TBC1D5: variants seen among roughly 807,000 people sequenced by gnomAD.
TBC1D5 encodes the protein TBC1 domain family member 5, also known as TBC1 domain family, member 5.
Under a neutral mutation model 100.3 loss-of-function variants are expected in TBC1D5, and 75 were observed. The observed-to-expected ratio is 0.75, with a 90% CI of 0.62 to 0.91. The LOEUF is 0.91. TBC1D5 is among the 40% of genes least tolerant of loss of function. TBC1D5 has a pLI of 0.00. For synonymous variants in TBC1D5, 323 were observed against 325.6 expected, an observed-to-expected ratio of 0.99 and a Z score of 0.09; for missense variants, 910 against 942.4, an observed-to-expected ratio of 0.97 and a Z score of 0.45.
Position 17,680,459 on chromosome 3 carries a change from G to A in TBC1D5, c.-100-56546C>T, listed in dbSNP as rs141121588. The stretch of plus-strand genomic sequence containing the variant: ...TCAGGTTGATCTCAAACTCCTGGGC[G>A]CAAGTGATCCTCCTGCCTCAGCCTC... On this transcript the variant is annotated intron_variant, in intron 1 of 21. Coordinates refer to ENST00000253692, the Ensembl canonical transcript of TBC1D5. 4.7e-3 allele frequency among the ~76,000 whole-genome samples: 715 copies of A among 150,940 alleles called. 31 individuals are homozygous for A. Among genetic ancestry groups the A allele is most frequent in the African/African-American group, 0.016 (658 of 40,530 alleles).
intron 21 of TBC1D5, among the ~76,000 whole-genome samples, chr3:17,161,741 C>G (rs2066078387): frequency 6.6e-6 from 1 of 152,260 alleles, no homozygotes; most frequent in South Asian, 2.1e-4. Flanking sequence ...CAGCTGCTGG[C>G]TCCCTAATGT....
At chr3:17,697,706 A>T (rs1221010559) in intron 1 of TBC1D5, among the ~76,000 whole-genome samples, 1 of 152,212 alleles carries the variant, frequency 6.6e-6, no homozygotes, top group Non-Finnish European at 1.5e-5. Flanking sequence ...ATTCAATGCC[A>T]TCCCCATCAA....
Position 17,565,204 on chromosome 3 carries a change from A to G in TBC1D5, c.-35-56599T>C, listed in dbSNP as rs568633348. Reference sequence around the variant, plus strand: ...ATATCACTAGGAGGTCAATCCTACAATCATCTTTTCCCAAATGGTCACTAC... The same window carrying G: ...ATATCACTAGGAGGTCAATCCTACAGTCATCTTTTCCCAAATGGTCACTAC... On this transcript the variant is annotated intron_variant, in intron 2 of 21. Transcript: ENST00000253692. Among the ~76,000 whole-genome samples the G allele has an allele frequency of 3.9e-5, 6 of 152,258 alleles. No individual in the cohort carries two copies. The South Asian group carries it at 1.2e-3, about 32-fold the overall frequency.
intron 3 of TBC1D5, among the ~76,000 whole-genome samples, chr3:17,445,992 A>G (rs1180198873): frequency 1.3e-5 from 2 of 152,202 alleles, no homozygotes; most frequent in Non-Finnish European, 2.9e-5. Context: ...TTAGGTTAAG[A>G]GTAATGCACT....
chr3:17,412,809 G>C (rs1043622378), intron 4 of TBC1D5, among the ~76,000 whole-genome samples: 1 of 152,046 alleles, frequency 6.6e-6, no homozygotes, highest in Non-Finnish European at 1.5e-5. Flanking sequence ...TGAGAAATAG[G>C]AAAGACATCT....
In TBC1D5 at chr3:17,589,085, G is replaced by T. The variant is rs192001533; in HGVS notation, c.-36+34764C>A. Among the ~76,000 whole-genome samples the T allele has an allele frequency of 1.0e-3, 154 of 152,290 alleles. 2 individuals carry two copies. The South Asian group carries it at 0.018, about 18-fold the overall frequency. On this transcript the variant is annotated intron_variant, in intron 2 of 21. Transcript: ENST00000253692. ...CAAATACTGTGCAGATTCAACAAAAGGGGAAAGTTTTTATTGTGAAGTTCA... is the reference window on the plus strand; with the variant it reads ...CAAATACTGTGCAGATTCAACAAAATGGGAAAGTTTTTATTGTGAAGTTCA...
intron 3 of TBC1D5, 120 bp downstream of exon 3, chr3:17,508,354 C>A: frequency 1.4e-6 from 1 of 723,514 alleles, no homozygotes; most frequent in Admixed American, 2.0e-5. Flanking sequence ...ATACTTAACA[C>A]TGGCCTGCTC....
chr3:17,611,751 A>G (rs1334639161), intron 2 of TBC1D5, among the ~76,000 whole-genome samples: 2 of 152,216 alleles, frequency 1.3e-5, no homozygotes, highest in Non-Finnish European at 1.5e-5. Flanking sequence ...CAAAGTAGAG[A>G]TAAGTCCTTC....
At chr3:17,247,988 A>ATT (rs201892029) in intron 16 of TBC1D5, among the ~76,000 whole-genome samples, 37 of 141,218 alleles carry the variant, frequency 2.6e-4, no homozygotes, top group African/African-American at 4.4e-4. Flanking sequence ...TCCTCCACTA[A>ATT]TTTTTTTTTT....
chr3:17,161,000 T>A, exon 22 of TBC1D5: 2 of 1,613,906 alleles, frequency 1.2e-6, no homozygotes, highest in African/African-American at 2.7e-5. Flanking sequence ...GAAGCCAGAG[T>A]CCTTGCTGCT....
chr3:17,512,825 C>T (rs1403835619), intron 2 of TBC1D5, among the ~76,000 whole-genome samples: 1 of 152,002 alleles, frequency 6.6e-6, no homozygotes, highest in East Asian at 1.9e-4. Context: ...TGCTAAAATT[C>T]CCATTTAAAA....
intron 2 of TBC1D5, among the ~76,000 whole-genome samples, chr3:17,557,065 C>T (rs1455088911): frequency 6.6e-6 from 1 of 152,172 alleles, no homozygotes; most frequent in African/African-American, 2.4e-5. Flanking sequence ...ATAAAAACAA[C>T]TGCTTAACAT....
chr3:17,609,185 C>T (rs561629595), intron 2 of TBC1D5, among the ~76,000 whole-genome samples: 1 of 152,290 alleles, frequency 6.6e-6, no homozygotes, highest in South Asian at 2.1e-4. Context: ...TTAGTTATTT[C>T]ACATTTTATG....
At chr3:17,374,715 T>C in intron 10 of TBC1D5, 36 bp from the exon 11 acceptor site, 1 of 1,598,906 alleles carries the variant, frequency 6.3e-7, no homozygotes. Flanking sequence ...AAATGTGTAA[T>C]TTTTGAATAA....
intron 14 of TBC1D5, among the ~76,000 whole-genome samples, chr3:17,295,788 C>T (rs867473102): frequency 2.0e-5 from 3 of 152,096 alleles, no homozygotes; most frequent in South Asian, 2.1e-4. Context: ...ATTTCTTGCC[C>T]GACTCCCCAA....
At chr3:17,719,391 A>G (rs9681232) in intron 1 of TBC1D5, among the ~76,000 whole-genome samples, 86,904 of 152,056 alleles carry the variant, frequency 0.57, 25,653 homozygotes, top group East Asian at 0.99. Context: ...AAGCAATCAT[A>G]ACTAGAAAAG....
chr3:17,349,549 C>T (rs1323828121), intron 13 of TBC1D5, among the ~76,000 whole-genome samples: 12 of 152,194 alleles, frequency 7.9e-5, no homozygotes, highest in East Asian at 1.9e-4. Flanking sequence ...GTACGAAATA[C>T]AAGTACAAGA....
At chr3:17,301,609 AACACC>A (rs1434470668) in intron 14 of TBC1D5, among the ~76,000 whole-genome samples, 4 of 152,246 alleles carry the variant, frequency 2.6e-5, no homozygotes, top group Admixed American at 6.5e-5. Context: ...AGATAGGACC[AACACC>A]CACAATAACT....
chr3:17,648,221 G>C (rs1167101116), intron 1 of TBC1D5, among the ~76,000 whole-genome samples: 1 of 151,876 alleles, frequency 6.6e-6, no homozygotes, highest in Admixed American at 6.6e-5. Flanking sequence ...ATAAAAACAA[G>C]CAATGGGTAA....
Sources: gnomAD v4.1 joint callset for allele counts (sites outside exome capture counted in the v4.1 genomes callset) on GRCh38, gnomAD v4.1.1 for gene constraint, MANE v1.5 for transcripts, NCBI Gene and HGNC (gene_info 2026-07-23, HGNC 2026-07-21) for gene names.